BOLL: variants seen among roughly 807,000 people sequenced by gnomAD.
The protein encoded by BOLL is boule RNA binding protein.
BOLL carries 23 observed loss-of-function variants against 44.4 expected under a neutral mutation model. That is an observed-to-expected ratio of 0.52 (90% CI 0.37 to 0.73). The LOEUF (loss-of-function observed/expected upper bound fraction) is 0.73. Among genes scored for constraint, BOLL ranks in the 30% least tolerant of loss-of-function variants. The probability of loss-of-function intolerance (pLI) is 0.00; values close to 1 mark genes in which losing one functional copy is unlikely to be tolerated. For synonymous variants in BOLL, 97 were observed against 110.8 expected (o/e 0.88, Z 0.78); for missense variants, 287 against 338.3 (o/e 0.85, Z 1.19).
intron 6 of BOLL, among the ~76,000 whole-genome samples, chr2:197,770,481 C>A (rs2106374328): frequency 6.6e-6 from 1 of 152,138 alleles, no homozygotes; most frequent in South Asian, 2.1e-4. Flanking sequence ...GGCCACAAAT[C>A]CAAAATTGAC....
At chr2:197,763,479 T>TG (rs1553614312) in intron 7 of BOLL, among the ~76,000 whole-genome samples, 2 of 127,610 alleles carry the variant, frequency 1.6e-5, no homozygotes, top group Admixed American at 8.1e-5. Context: ...GAGTCCGTCT[T>TG]AAAAAAAAAA....
chr2:197,777,730 C>G (rs1011557911), intron 3 of BOLL, among the ~76,000 whole-genome samples: 1 of 151,676 alleles, frequency 6.6e-6, no homozygotes, highest in African/African-American at 2.4e-5. Context: ...ATGATGTGCT[C>G]CATGTCCAAA....
chr2:197,762,762 C>A (rs1202642569), intron 7 of BOLL, among the ~76,000 whole-genome samples: 1 of 152,068 alleles, frequency 6.6e-6, no homozygotes, highest in Non-Finnish European at 1.5e-5. Context: ...ACAATGAATG[C>A]TTACATCAAA....
intron 10 of BOLL, among the ~76,000 whole-genome samples, chr2:197,729,253 C>T (rs978153940): frequency 2.0e-5 from 3 of 152,106 alleles, no homozygotes; most frequent in South Asian, 2.1e-4. Context: ...TGCGCTTTTC[C>T]GACGGGCTTA....
chr2:197,744,932 C>T (rs1483730748), intron 9 of BOLL, among the ~76,000 whole-genome samples: 1 of 152,066 alleles, frequency 6.6e-6, no homozygotes, highest in Non-Finnish European at 1.5e-5. Context: ...GGAATGAGGT[C>T]CCTGAGGAGG....
chr2:197,736,774 G>T (rs1256436148), intron 10 of BOLL, among the ~76,000 whole-genome samples: 2 of 151,956 alleles, frequency 1.3e-5, no homozygotes, highest in African/African-American at 2.4e-5. Flanking sequence ...CAGTGTTTTT[G>T]ATTTTGTTTT....
intron 6 of BOLL, among the ~76,000 whole-genome samples, chr2:197,767,356 C>T (rs761730976): frequency 2.6e-5 from 4 of 151,780 alleles, no homozygotes; most frequent in Non-Finnish European, 4.4e-5. Flanking sequence ...TTTGCACCCC[C>T]GAAACTGAGG....
At chr2:197,737,262 A>G (rs1001629412) in intron 10 of BOLL, among the ~76,000 whole-genome samples, 1 of 152,036 alleles carries the variant, frequency 6.6e-6, no homozygotes. Context: ...TTTTTCACAG[A>G]ATCCATATAA....
intron 7 of BOLL, among the ~76,000 whole-genome samples, chr2:197,761,862 C>T (rs1383587900): frequency 6.6e-6 from 1 of 151,938 alleles, no homozygotes; most frequent in African/African-American, 2.4e-5. Flanking sequence ...CAAAGAAGGA[C>T]ATTTATATAA....
chr2:197,745,345 T>A (rs1170463816), intron 9 of BOLL, among the ~76,000 whole-genome samples: 1 of 152,108 alleles, frequency 6.6e-6, no homozygotes. Flanking sequence ...ACTCTATTCA[T>A]TAAGTTATAT....
intron 3 of BOLL, among the ~76,000 whole-genome samples, chr2:197,778,643 A>G (rs1051262450): frequency 2.0e-5 from 3 of 151,854 alleles, no homozygotes; most frequent in Non-Finnish European, 4.4e-5. Context: ...CAGGGATACA[A>G]TTCCAAAAGA....
chr2:197,752,488 C>G (rs1356757628), intron 9 of BOLL, among the ~76,000 whole-genome samples: 1 of 152,154 alleles, frequency 6.6e-6, no homozygotes, highest in African/African-American at 2.4e-5. Flanking sequence ...AAATCACAAG[C>G]ATTCAGCATT....
intron 9 of BOLL, among the ~76,000 whole-genome samples, chr2:197,752,528 A>C (rs1688309170): frequency 6.6e-6 from 1 of 152,230 alleles, no homozygotes; most frequent in Non-Finnish European, 1.5e-5. Flanking sequence ...CAGAGAATCA[A>C]ATCATGAGCA....
chr2:197,734,758 AT>A (rs1687399826), intron 10 of BOLL, among the ~76,000 whole-genome samples: 1 of 152,150 alleles, frequency 6.6e-6, no homozygotes, highest in Non-Finnish European at 1.5e-5. Context: ...GAATTGAACA[AT>A]GAGAAAACTT....
chr2:197,784,778 C>CT, intron 1 of BOLL: 6 of 987,588 alleles, frequency 6.1e-6, no homozygotes, highest in Non-Finnish European at 7.2e-6. Flanking sequence ...GAGGCAACAT[C>CT]TAAGTTCATT....
In BOLL at chr2:197,741,109, G is replaced by A. The variant is rs554101971; in HGVS notation, c.828+1952C>T. Among the ~76,000 whole-genome samples the A allele has an allele frequency of 8.5e-4, 129 of 152,128 alleles. 1 individual carries two copies. Among genetic ancestry groups the A allele is most frequent in the African/African-American group, 2.7e-3 (114 of 41,522 alleles). On this transcript the variant is annotated intron_variant, in intron 10 of 10. Transcript: ENST00000392296. ...TTCACGATATTGATTCTTCCTACCC[G>A]TGAGCATGGAATGTTCTTCCATTTG...
At chr2:197,734,113 C>G (rs574284879) in intron 10 of BOLL, among the ~76,000 whole-genome samples, 1,794 of 150,982 alleles carry the variant, frequency 0.012, 34 homozygotes, top group African/African-American at 0.041. Flanking sequence ...AACAAATTTA[C>G]AAGAAAAAAA....
intron 7 of BOLL, among the ~76,000 whole-genome samples, chr2:197,761,145 A>G (rs1329093703): frequency 6.6e-6 from 1 of 152,016 alleles, no homozygotes; most frequent in African/African-American, 2.4e-5. Flanking sequence ...ACATAGCAAG[A>G]CCCTATCTCT....
At chr2:197,771,793 T>A in intron 6 of BOLL, 62 bp downstream of exon 6, 1 of 1,427,170 alleles carries the variant, frequency 7.0e-7, no homozygotes, top group Non-Finnish European at 9.4e-7. Flanking sequence ...TTCAGAAATA[T>A]AACAAACATT....
Sources: allele counts gnomAD v4.1 joint callset (sites outside exome capture counted in the v4.1 genomes callset), GRCh38; gene constraint gnomAD v4.1.1; transcripts MANE v1.5; gene names NCBI Gene and HGNC (gene_info 2026-07-23, HGNC 2026-07-21).